The following CERS3 variants were observed in gnomAD, a reference collection of about 807,000 sequenced individuals.
CERS3 encodes the protein LAG1 homolog, ceramide synthase 3.
A neutral mutation model predicts 50.3 loss-of-function variants in CERS3; 33 were observed. That is an observed-to-expected ratio of 0.66 (90% CI 0.50 to 0.88). The LOEUF (loss-of-function observed/expected upper bound fraction) is 0.88. Ranked by LOEUF, CERS3 falls within the 40% of genes least tolerant of loss-of-function variation. The pLI is 0.00. For synonymous variants in CERS3, 176 were observed against 155.2 expected, an observed-to-expected ratio of 1.13 and a Z score of -0.99; for missense variants, 470 against 460.3, an observed-to-expected ratio of 1.02 and a Z score of -0.19.
At chr15:100,533,445 G>A (rs1448684621), upstream of CERS3, among the ~76,000 whole-genome samples, 1 of 152,096 alleles carries the variant, frequency 6.6e-6, no homozygotes, top group Non-Finnish European at 1.5e-5. Context: ...CTCTACCACA[G>A]TAGGTAGTTA....
chr15:100,528,779 C>A (rs1212784602), intron 1 of CERS3, 34 bp downstream of exon 1: 1 of 152,330 alleles, frequency 6.6e-6, no homozygotes, highest in Non-Finnish European at 1.5e-5. Flanking sequence ...TGAAAGTCCT[C>A]AAATACTAAC....
At chr15:100,432,356 C>G (rs955174301) in intron 11 of CERS3, among the ~76,000 whole-genome samples, 25 of 152,050 alleles carry the variant, frequency 1.6e-4, no homozygotes, top group African/African-American at 6.0e-4. Context: ...TGAAGTTTAA[C>G]AAAAAGAAAT....
At position 100,405,023 on chromosome 15, in the gene CERS3, T is replaced by C. The variant is rs1205073603; in HGVS notation, c.1000-2158A>G. ...TTTAAAACTTTTAGAAGAAAACCCA[T>C]GACCTTGATCTGGGCAACGAGTTCT... On this transcript the variant is annotated intron_variant, in intron 11 of 11. Coordinates refer to ENST00000679737, the MANE Select transcript of CERS3 (RefSeq NM_001378789.1). 2.0e-5 allele frequency among the ~76,000 whole-genome samples: 3 copies of C among 152,070 alleles called. No homozygotes were observed. In the East Asian group the frequency reaches 5.8e-4, roughly 29 times the overall value.
chr15:100,413,129 T>G (rs1221720372), intron 11 of CERS3, among the ~76,000 whole-genome samples: 1 of 152,204 alleles, frequency 6.6e-6, no homozygotes, highest in African/African-American at 2.4e-5. Flanking sequence ...TCAACATAAT[T>G]TGCATTGGGG....
intron 1 of CERS3, among the ~76,000 whole-genome samples, chr15:100,540,675 G>A (rs539821751): frequency 1.3e-5 from 2 of 152,320 alleles, no homozygotes; most frequent in African/African-American, 4.8e-5. Context: ...AATACAACTT[G>A]ATCAGAGTTG....
At chr15:100,419,419 C>A (rs2032224849) in intron 11 of CERS3, among the ~76,000 whole-genome samples, 7 of 127,666 alleles carry the variant, frequency 5.5e-5, no homozygotes, top group African/African-American at 5.9e-5. Context: ...CAGGAGCACC[C>A]AGATTCATAA....
intron 7 of CERS3, 147 bp downstream of exon 7, chr15:100,479,281 T>A (rs1285562338): frequency 9.9e-6 from 5 of 502,886 alleles, no homozygotes; most frequent in Non-Finnish European, 1.8e-5. Context: ...TGAGGGTCAA[T>A]AAGGATAAGG....
At chr15:100,493,617 T>C (rs1273275118) in intron 3 of CERS3, among the ~76,000 whole-genome samples, 1 of 152,186 alleles carries the variant, frequency 6.6e-6, no homozygotes, top group East Asian at 1.9e-4. Context: ...TTCACATTTT[T>C]GGGGTCCTAT....
intron 11 of CERS3, among the ~76,000 whole-genome samples, chr15:100,450,261 T>A (rs866821975): frequency 6.6e-6 from 1 of 151,262 alleles, no homozygotes; most frequent in Non-Finnish European, 1.5e-5. Flanking sequence ...TTTACTAAAA[T>A]ACAAAAAATT....
intron 11 of CERS3, among the ~76,000 whole-genome samples, chr15:100,438,309 T>G (rs529361810): frequency 2.7e-4 from 41 of 152,234 alleles, no homozygotes; most frequent in African/African-American, 9.9e-4. Context: ...CCTCCCAAAG[T>G]GCTAGGATTC....
At chr15:100,411,823 T>A (rs971676954) in intron 11 of CERS3, among the ~76,000 whole-genome samples, 13 of 152,188 alleles carry the variant, frequency 8.5e-5, no homozygotes. Flanking sequence ...GAGTGGTATC[T>A]CATTATAGTT....
intron 11 of CERS3, among the ~76,000 whole-genome samples, chr15:100,419,258 C>T (rs1362690574): frequency 8.6e-6 from 1 of 116,648 alleles, no homozygotes; most frequent in South Asian, 3.6e-4. Flanking sequence ...CAATGGAAAA[C>T]AAAAAAAGGC....
intron 11 of CERS3, among the ~76,000 whole-genome samples, chr15:100,417,809 C>T (rs899192904): frequency 6.6e-6 from 1 of 151,806 alleles, no homozygotes; most frequent in African/African-American, 2.4e-5. Context: ...AGGCACCCCC[C>T]AGCAAGGGCA....
chr15:100,442,004 A>T (rs1056642067), intron 11 of CERS3, among the ~76,000 whole-genome samples: 4 of 151,966 alleles, frequency 2.6e-5, no homozygotes, highest in Non-Finnish European at 4.4e-5. Context: ...TATAATACTT[A>T]TATCACCTCC....
At chr15:100,432,442 A>T (rs2033182621) in intron 11 of CERS3, among the ~76,000 whole-genome samples, 1 of 152,240 alleles carries the variant, frequency 6.6e-6, no homozygotes, top group East Asian at 1.9e-4. Context: ...GCTTAACAAT[A>T]GTTCATGTGG....
At chr15:100,409,630 G>C (rs1045033919) in intron 11 of CERS3, among the ~76,000 whole-genome samples, 3 of 152,172 alleles carry the variant, frequency 2.0e-5, no homozygotes, top group Non-Finnish European at 2.9e-5. Flanking sequence ...CTACCTGTCT[G>C]CTTTGACTGA....
chr15:100,493,271 T>C (rs1396140337), intron 3 of CERS3, among the ~76,000 whole-genome samples: 1 of 152,194 alleles, frequency 6.6e-6, no homozygotes, highest in Non-Finnish European at 1.5e-5. Context: ...TCTTGGTTTT[T>C]GTTTATTTGA....
Position 100,402,722 on chromosome 15 carries a change from A to G in CERS3, c.1143T>C (p.His381=), listed in dbSNP as rs201602377. The change falls in exon 12 of 12, where the codon CAT becomes CAC. Residue 381 remains histidine, a synonymous_variant. Transcript: ENST00000679737. The stretch of plus-strand genomic sequence containing the variant: ...TCCTGTAGGCTTCCAGCTAATGGCC[A>G]TGCTGGCCATTGGGAATGAGGTGCC... ...AERHLIPNGQ[H]GH 552 of 1,614,088 alleles carry G rather than the reference A, an allele frequency of 3.4e-4. No homozygotes were observed. The highest frequency in any genetic ancestry group is 2.8e-3 in the South Asian group (258 of 91,076).
intron 1 of CERS3, among the ~76,000 whole-genome samples, chr15:100,539,802 C>T (rs963657365): frequency 2.0e-5 from 3 of 152,308 alleles, no homozygotes; most frequent in Middle Eastern, 3.4e-3. Context: ...AAACTGAATG[C>T]ATTTCCCCTT....
Sources: gnomAD v4.1 joint callset for allele counts (sites outside exome capture counted in the v4.1 genomes callset) on GRCh38, gnomAD v4.1.1 for gene constraint, MANE v1.5 for transcripts, NCBI Gene and HGNC (gene_info 2026-07-23, HGNC 2026-07-21) for gene names.